The following RBFOX1 variants were observed in gnomAD, a reference collection of about 807,000 sequenced individuals.
The protein encoded by RBFOX1 is RNA binding protein fox-1 homolog 1.
A neutral mutation model predicts 57.7 loss-of-function variants in RBFOX1; 8 were observed. The ratio of observed to expected loss-of-function variants is 0.14; its 90% confidence interval spans 0.08 to 0.25. The LOEUF is 0.25. Ranked by LOEUF, RBFOX1 falls within the 10% of genes least tolerant of loss-of-function variation. The pLI is 1.00. For synonymous variants in RBFOX1, 326 were observed against 222.4 expected, an observed-to-expected ratio of 1.47 and a Z score of -4.15; for missense variants, 611 against 548.5, an observed-to-expected ratio of 1.11 and a Z score of -1.14.
chr16:6,807,095 A>T (rs1471952501), intron 3 of RBFOX1, among the ~76,000 whole-genome samples: 1 of 151,622 alleles, frequency 6.6e-6, no homozygotes, highest in Non-Finnish European at 1.5e-5. Context: ...CAGCCTCCCA[A>T]AGTGCTGGGA....
chr16:6,557,863 G>C (rs1389795808), intron 2 of RBFOX1, among the ~76,000 whole-genome samples: 2 of 152,106 alleles, frequency 1.3e-5, no homozygotes, highest in East Asian at 1.9e-4. Context: ...TTTTAATATT[G>C]TGTATTCTCC....
intron 1 of RBFOX1, among the ~76,000 whole-genome samples, chr16:6,208,664 A>G (rs536619666): frequency 1.2e-4 from 19 of 152,344 alleles, no homozygotes; most frequent in Admixed American, 2.6e-4. Context: ...TCGTTCTGCA[A>G]TTTAGAAATT....
At chr16:5,665,737 G>C (rs2049822375) in intron 3 of RBFOX1, among the ~76,000 whole-genome samples, 1 of 152,192 alleles carries the variant, frequency 6.6e-6, no homozygotes, top group Non-Finnish European at 1.5e-5. Context: ...CACAGATCCT[G>C]GAAAACTCAG....
chr16:6,425,372 C>A (rs2093895430), intron 2 of RBFOX1, among the ~76,000 whole-genome samples: 1 of 152,158 alleles, frequency 6.6e-6, no homozygotes, highest in South Asian at 2.1e-4. Flanking sequence ...ATCAAATTAA[C>A]AGCCTCTCCT....
intron 1 of RBFOX1, among the ~76,000 whole-genome samples, chr16:6,093,966 G>C (rs141890973): frequency 8.9e-4 from 136 of 152,124 alleles, no homozygotes; most frequent in Admixed American, 2.0e-3. Flanking sequence ...GCCCGCCCCT[G>C]CTGGCTTTCG....
At chr16:5,307,710 C>T (rs1295715311) in intron 1 of RBFOX1, among the ~76,000 whole-genome samples, 1 of 152,194 alleles carries the variant, frequency 6.6e-6, no homozygotes, top group Non-Finnish European at 1.5e-5. Flanking sequence ...CGGTCTCACT[C>T]TGTCCCCCAG....
At chr16:5,831,625 G>T (rs1413015475) in intron 3 of RBFOX1, among the ~76,000 whole-genome samples, 1 of 151,846 alleles carries the variant, frequency 6.6e-6, no homozygotes, top group Non-Finnish European at 1.5e-5. Context: ...GAGTAGCTGG[G>T]GTTACAGGTG....
intron 2 of RBFOX1, among the ~76,000 whole-genome samples, chr16:6,517,806 C>T (rs982141861): frequency 2.0e-5 from 3 of 152,126 alleles, no homozygotes; most frequent in Admixed American, 1.3e-4. Context: ...TGCTTTTCTT[C>T]CATTCGTTAT....
chr16:6,373,461 G>A (rs560701499), intron 2 of RBFOX1, among the ~76,000 whole-genome samples: 1 of 152,056 alleles, frequency 6.6e-6, no homozygotes, highest in Non-Finnish European at 1.5e-5. Context: ...TGGTTGGTTA[G>A]GATCTTTGGG....
chr16:6,634,789 G>T (rs7199786), intron 2 of RBFOX1, among the ~76,000 whole-genome samples: 90,851 of 135,070 alleles, frequency 0.67, 31,716 homozygotes, highest in South Asian at 0.84. Flanking sequence ...ATAATACAAA[G>T]ATATACATAT....
At chr16:7,229,009 G>C (rs1459666066) in intron 4 of RBFOX1, among the ~76,000 whole-genome samples, 1 of 152,042 alleles carries the variant, frequency 6.6e-6, no homozygotes, top group Non-Finnish European at 1.5e-5. Flanking sequence ...GGGAATAGCA[G>C]GCTAAGAAAG....
chr16:5,721,988 C>A (rs908763403), intron 3 of RBFOX1, among the ~76,000 whole-genome samples: 1 of 152,178 alleles, frequency 6.6e-6, no homozygotes, highest in African/African-American at 2.4e-5. Flanking sequence ...ATTTTGACCC[C>A]ATAGCACAAT....
chr16:7,192,027 G>C (rs924398269), intron 4 of RBFOX1, among the ~76,000 whole-genome samples: 1 of 152,190 alleles, frequency 6.6e-6, no homozygotes, highest in African/African-American at 2.4e-5. Context: ...CATTTTATTA[G>C]AGGGAAACAG....
intron 4 of RBFOX1, among the ~76,000 whole-genome samples, chr16:7,510,810 T>C (rs1379375529): frequency 2.0e-5 from 3 of 152,188 alleles, no homozygotes; most frequent in African/African-American, 7.2e-5. Flanking sequence ...AGTGAGTCCA[T>C]GCTGGTGGGG....
intron 4 of RBFOX1, among the ~76,000 whole-genome samples, chr16:5,909,569 C>G (rs1322597928): frequency 6.6e-6 from 1 of 152,168 alleles, no homozygotes. Context: ...AACAGTTGAT[C>G]CATGCAATCT....
At chr16:6,972,655 C>G (rs1432736815) in intron 3 of RBFOX1, among the ~76,000 whole-genome samples, 1 of 151,982 alleles carries the variant, frequency 6.6e-6, no homozygotes, top group Non-Finnish European at 1.5e-5. Context: ...AGAGCAAATG[C>G]TTTGGGGACA....
intron 4 of RBFOX1, among the ~76,000 whole-genome samples, chr16:7,446,374 G>T (rs4786169): frequency 0.65 from 98,204 of 152,030 alleles, 33,192 homozygotes; most frequent in African/African-American, 0.84. Context: ...TTCAGAAGTT[G>T]AGGAGAAGTA....
chr16:6,728,459 A>G (rs555874879), intron 3 of RBFOX1, among the ~76,000 whole-genome samples: 2 of 152,146 alleles, frequency 1.3e-5, no homozygotes, highest in Non-Finnish European at 2.9e-5. Flanking sequence ...GTTCATCTCT[A>G]TGAAGTAATC....
At chr16:7,535,556 C>T (rs779249755) in intron 5 of RBFOX1, among the ~76,000 whole-genome samples, 1 of 152,192 alleles carries the variant, frequency 6.6e-6, no homozygotes, top group Non-Finnish European at 1.5e-5. Flanking sequence ...AAGTCTTTTC[C>T]ACTGACTTTG....
Sources: allele counts gnomAD v4.1 joint callset (sites outside exome capture counted in the v4.1 genomes callset), GRCh38; gene constraint gnomAD v4.1.1; transcripts MANE v1.5; gene names NCBI Gene and HGNC (gene_info 2026-07-23, HGNC 2026-07-21).